HCN1: variants seen among roughly 807,000 people sequenced by gnomAD.
The protein encoded by HCN1 is potassium/sodium hyperpolarization-activated cyclic nucleotide-gated channel 1.
Under a neutral mutation model 78.9 loss-of-function variants are expected in HCN1, and 13 were observed. The observed-to-expected ratio is 0.16, with a 90% CI of 0.11 to 0.26. HCN1 has a LOEUF of 0.26. HCN1 is among the 10% of genes least tolerant of loss of function. The pLI is 1.00. For synonymous variants in HCN1, 552 were observed against 455.5 expected, an observed-to-expected ratio of 1.21 and a Z score of -2.70; for missense variants, 810 against 1,154.3, an observed-to-expected ratio of 0.70 and a Z score of 4.32.
At chr5:45,589,735 C>T (rs1744322256) in intron 2 of HCN1, among the ~76,000 whole-genome samples, 1 of 152,220 alleles carries the variant, frequency 6.6e-6, no homozygotes, top group African/African-American at 2.4e-5. Flanking sequence ...TCAATAGATG[C>T]TAGCATTTCA....
At chr5:45,519,708 T>C (rs529491346) in intron 2 of HCN1, among the ~76,000 whole-genome samples, 2 of 152,140 alleles carry the variant, frequency 1.3e-5, no homozygotes, top group South Asian at 2.1e-4. Context: ...TAGAATCTCA[T>C]TATTCATTGA....
intron 6 of HCN1, among the ~76,000 whole-genome samples, chr5:45,288,738 G>A (rs1405076340): frequency 1.3e-5 from 2 of 152,056 alleles, no homozygotes; most frequent in Admixed American, 6.6e-5. Context: ...GTTGCATGTG[G>A]TGCATAGTTT....
intron 3 of HCN1, among the ~76,000 whole-genome samples, chr5:45,452,833 C>T (rs1043586563): frequency 1.3e-5 from 2 of 151,930 alleles, no homozygotes; most frequent in African/African-American, 4.8e-5. Flanking sequence ...TCTCTAAAAA[C>T]AACAAACACT....
chr5:45,574,293 CA>C (rs1743894017), intron 2 of HCN1, among the ~76,000 whole-genome samples: 1 of 152,076 alleles, frequency 6.6e-6, no homozygotes, highest in African/African-American at 2.4e-5. Flanking sequence ...TTTCAGGTGT[CA>C]CATTTTGGTA....
chr5:45,650,465 AC>A (rs1247911446), intron 1 of HCN1, among the ~76,000 whole-genome samples: 5 of 152,034 alleles, frequency 3.3e-5, no homozygotes, highest in Admixed American at 6.6e-5. Context: ...AGAAACTGTT[AC>A]GTAGAAACTT....
intron 1 of HCN1, among the ~76,000 whole-genome samples, chr5:45,686,956 T>A (rs1739821166): frequency 6.6e-6 from 1 of 152,184 alleles, no homozygotes; most frequent in Non-Finnish European, 1.5e-5. Context: ...TGCAGGAACA[T>A]GTCATCTAAT....
rs528773877 is a variant in HCN1, at chr5:45,558,504, A to G, written c.849+86681T>C. 10 of 152,310 alleles carry G rather than the reference A, an allele frequency of 6.6e-5. No homozygotes were observed. The South Asian group carries it at 2.1e-3, about 32-fold the overall frequency. 9.4% of individuals were successfully genotyped at this position (152,310 alleles called of 1,614,324 possible). ...AATAGATTTTCAATGTAAATGAAAG[A>G]GGCTTAAATTGAAATATTGGAAAAA... On this transcript the variant is annotated intron_variant, in intron 2 of 7. Transcript: ENST00000303230.
intron 7 of HCN1, among the ~76,000 whole-genome samples, chr5:45,264,377 T>G (rs1487483009): frequency 5.9e-5 from 9 of 152,216 alleles, no homozygotes; most frequent in Non-Finnish European, 1.2e-4. Context: ...GTAGTGACTT[T>G]TCTATGGCAT....
At chr5:45,570,936 A>G in intron 2 of HCN1, among the ~76,000 whole-genome samples, 1 of 152,152 alleles carries the variant, frequency 6.6e-6, no homozygotes, top group Admixed American at 6.6e-5. Context: ...CTCATATTTC[A>G]TACTATTAAA....
rs1491518338 is a variant in HCN1, at chr5:45,593,338, T to TCACACACA, written c.849+51846_849+51847insTGTGTGTG. On this transcript the variant is annotated intron_variant, in intron 2 of 7. Transcript: ENST00000303230. ...CTCTCTCTCCCTCTCTCTCTCTCTC[T>TCACACACA]CTCACACACACACACACACACACAC... Among the ~76,000 whole-genome samples, 14 of 120,180 alleles carry TCACACACA rather than the reference T, an allele frequency of 1.2e-4. No individual in the cohort carries two copies. The East Asian group carries it at 3.6e-3, about 31-fold the overall frequency. The allele number at this position is 120,180 out of a possible 152,430, so 78.8% of individuals were successfully genotyped here.
At chr5:45,477,827 CAA>C (rs1187579432) in intron 2 of HCN1, among the ~76,000 whole-genome samples, 4 of 151,846 alleles carry the variant, frequency 2.6e-5, no homozygotes, top group Admixed American at 2.6e-4. Context: ...CTGCATAAAA[CAA>C]AATTTTAAAA....
At chr5:45,318,520 A>T (rs1248224172) in intron 5 of HCN1, among the ~76,000 whole-genome samples, 8 of 152,050 alleles carry the variant, frequency 5.3e-5, no homozygotes, top group Non-Finnish European at 1.0e-4. Context: ...TATGTAACAA[A>T]CCTGCACGTT....
chr5:45,262,767 C>T lies in HCN1; in HGVS notation c.1827G>A (p.Leu609=). The change falls in exon 8 of 8, where the codon CTG becomes CTA. Residue 609 remains leucine (L), a synonymous_variant. Coordinates refer to ENST00000303230, the MANE Select transcript of HCN1 (RefSeq NM_021072.4). ...SILLQKFQKD[L]NTGVFNNQEN... ...CCTGATTGTTGAAAACACCAGTGTT[C>T]AGATCCTTCTGGAACTTTTGCAGAA... The T allele has an allele frequency of 6.2e-7, 1 of 1,614,112 alleles. No individual in the cohort carries two copies. The highest frequency in any genetic ancestry group is 8.5e-7 in the Non-Finnish European group (1 of 1,180,028).
intron 4 of HCN1, among the ~76,000 whole-genome samples, chr5:45,355,863 T>A (rs745492215): frequency 2.0e-5 from 3 of 152,130 alleles, no homozygotes; most frequent in Non-Finnish European, 4.4e-5. Flanking sequence ...TCAAAAGGAA[T>A]CTATTCTAAG....
At position 45,293,178 on chromosome 5, in the gene HCN1, C is replaced by G. The variant is rs146764235; in HGVS notation, c.1618+10421G>C. On this transcript the variant is annotated intron_variant, in intron 6 of 7. Transcript: ENST00000303230. ...GGTCTTTGAGGAATTACAACACTGT[C>G]TTCCACAGTGATTGAACTACCATAC... 4.8e-3 allele frequency among the ~76,000 whole-genome samples: 729 copies of G among 152,132 alleles called. 3 individuals are homozygous for G. The highest frequency in any genetic ancestry group is 0.017 in the African/African-American group (698 of 41,536).
chr5:45,677,935 A>G (rs999585457), intron 1 of HCN1, among the ~76,000 whole-genome samples: 1 of 151,714 alleles, frequency 6.6e-6, no homozygotes, highest in African/African-American at 2.4e-5. Context: ...CTGATCTTGA[A>G]GACTGGTGAT....
At chr5:45,631,085 C>T (rs1393642832) in intron 2 of HCN1, among the ~76,000 whole-genome samples, 1 of 152,072 alleles carries the variant, frequency 6.6e-6, no homozygotes, top group Non-Finnish European at 1.5e-5. Context: ...AGAGATCAAC[C>T]TGGTTGGTGA....
intron 2 of HCN1, among the ~76,000 whole-genome samples, chr5:45,471,853 AATTG>A (rs1442017983): frequency 3.3e-5 from 5 of 151,942 alleles, no homozygotes; most frequent in Non-Finnish European, 7.4e-5. Flanking sequence ...TTAATTAATA[AATTG>A]ATTTGTGTCT....
chr5:45,286,876 G>T (rs1028960654), intron 6 of HCN1, among the ~76,000 whole-genome samples: 1 of 151,862 alleles, frequency 6.6e-6, no homozygotes, highest in Non-Finnish European at 1.5e-5. Context: ...GTGATGAAAC[G>T]CAATTTAAAG....
Sources: allele counts gnomAD v4.1 joint callset (sites outside exome capture counted in the v4.1 genomes callset), GRCh38; gene constraint gnomAD v4.1.1; transcripts MANE v1.5; gene names NCBI Gene and HGNC (gene_info 2026-07-23, HGNC 2026-07-21).